Variants in CREB5 observed in about 807,000 individuals in gnomAD.
CREB5 encodes cyclic AMP-responsive element-binding protein 5.
Under a neutral mutation model 57.1 loss-of-function variants are expected in CREB5, and 19 were observed. The ratio of observed to expected loss-of-function variants is 0.33; its 90% CI spans 0.23 to 0.49. The LOEUF (loss-of-function observed/expected upper bound fraction) is 0.49. CREB5 is among the 20% of genes least tolerant of loss of function. The pLI, the probability that CREB5 is intolerant of heterozygous loss-of-function variation, is 0.99. For missense variants in CREB5, 579 were observed against 671.6 expected (o/e 0.86, Z 1.52); for synonymous variants, 238 against 238.3 (o/e 1.00, Z 0.01).
At chr7:28,460,747 G>A (rs1275299199) in intron 1 of CREB5, among the ~76,000 whole-genome samples, 5 of 152,056 alleles carry the variant, frequency 3.3e-5, no homozygotes, top group South Asian at 2.1e-4. Flanking sequence ...TGTTTTGCAC[G>A]GTAAATGCTT....
At chr7:28,560,887 CGTGTGTGTGCGTGCGCGCGTGCGT>C (rs1271065442) in intron 4 of CREB5, among the ~76,000 whole-genome samples, 1 of 13,114 alleles carries the variant, frequency 7.6e-5, no homozygotes, top group African/African-American at 3.5e-4. Context: ...TGCGTGCGTG[CGTGTGTGTGCGTGCGCGCGTGCGT>C]GTGCGTGTGT....
chr7:28,379,794 G>A (rs1372641248), intron 1 of CREB5, among the ~76,000 whole-genome samples: 1 of 152,228 alleles, frequency 6.6e-6, no homozygotes, highest in African/African-American at 2.4e-5. Context: ...CAGACCAGCA[G>A]CTTCAGCACC....
intron 5 of CREB5, among the ~76,000 whole-genome samples, chr7:28,594,121 A>G (rs1214776947): frequency 1.3e-5 from 2 of 152,208 alleles, no homozygotes; most frequent in Non-Finnish European, 2.9e-5. Context: ...TGGAGGAGAA[A>G]TCTGCCTCCT....
chr7:28,784,494 A>AT (rs66535657), intron 7 of CREB5, among the ~76,000 whole-genome samples: 64 of 151,316 alleles, frequency 4.2e-4, no homozygotes, highest in Admixed American at 1.5e-3. Flanking sequence ...TAGCTATAGG[A>AT]TTTTTTTTTC....
At chr7:28,475,668 A>G (rs1185652473) in intron 1 of CREB5, among the ~76,000 whole-genome samples, 6 of 152,086 alleles carry the variant, frequency 3.9e-5, no homozygotes, top group African/African-American at 1.4e-4. Context: ...AACCTAAAGC[A>G]CCTACTGATA....
intron 5 of CREB5, among the ~76,000 whole-genome samples, chr7:28,603,858 G>C (rs1797016308): frequency 6.6e-6 from 1 of 152,312 alleles, no homozygotes; most frequent in African/African-American, 2.4e-5. Flanking sequence ...TATTCACAGA[G>C]GTGTAACCAT....
At chr7:28,695,727 T>A (rs1801521673) in intron 5 of CREB5, among the ~76,000 whole-genome samples, 1 of 152,146 alleles carries the variant, frequency 6.6e-6, no homozygotes, top group South Asian at 2.1e-4. Context: ...GCATGTCTGA[T>A]GAGGACAGAG....
chr7:28,390,266 C>T (rs1787190438), intron 1 of CREB5, among the ~76,000 whole-genome samples: 1 of 152,162 alleles, frequency 6.6e-6, no homozygotes, highest in African/African-American at 2.4e-5. Flanking sequence ...AATTGCTCTG[C>T]TGTGTGAAAG....
At chr7:28,666,102 C>A (rs771121057) in intron 5 of CREB5, among the ~76,000 whole-genome samples, 1 of 151,918 alleles carries the variant, frequency 6.6e-6, no homozygotes, top group Non-Finnish European at 1.5e-5. Context: ...TTATAAGGAG[C>A]GATTGCCAAA....
intron 7 of CREB5, among the ~76,000 whole-genome samples, chr7:28,725,540 T>A (rs1026652418): frequency 1.3e-5 from 2 of 152,122 alleles, no homozygotes; most frequent in Non-Finnish European, 2.9e-5. Flanking sequence ...GGGCAAATAT[T>A]TTTTCAACTT....
chr7:28,417,799 C>A (rs1788086129), intron 1 of CREB5, among the ~76,000 whole-genome samples: 1 of 151,908 alleles, frequency 6.6e-6, no homozygotes, highest in East Asian at 1.9e-4. Context: ...CATGCTGCAC[C>A]CTGCAACACA....
chr7:28,517,508 A>C (rs1470432024), intron 4 of CREB5, among the ~76,000 whole-genome samples: 1 of 152,142 alleles, frequency 6.6e-6, no homozygotes, highest in Non-Finnish European at 1.5e-5. Context: ...CTTGTTCTTC[A>C]CCCAAGTCCC....
chr7:28,622,516 A>C (rs1797845254), intron 5 of CREB5, among the ~76,000 whole-genome samples: 1 of 152,234 alleles, frequency 6.6e-6, no homozygotes, highest in Non-Finnish European at 1.5e-5. Context: ...AGGGCTGAGA[A>C]GAACAGAATA....
chr7:28,525,073 A>C (rs993604642), intron 4 of CREB5, among the ~76,000 whole-genome samples: 1 of 151,348 alleles, frequency 6.6e-6, no homozygotes, highest in African/African-American at 2.4e-5. Flanking sequence ...GAGTGAGAAC[A>C]CATGATATTT....
At chr7:28,687,540 G>T (rs1012023428) in intron 5 of CREB5, among the ~76,000 whole-genome samples, 1 of 148,118 alleles carries the variant, frequency 6.8e-6, no homozygotes, top group African/African-American at 2.5e-5. Flanking sequence ...ACACCATCCG[G>T]CATTACTAGA....
intron 7 of CREB5, among the ~76,000 whole-genome samples, chr7:28,766,822 A>G (rs1052107611): frequency 4.6e-5 from 7 of 152,188 alleles, no homozygotes; most frequent in African/African-American, 1.7e-4. Context: ...ACCCACTAGT[A>G]TCCACGGGAA....
chr7:28,545,859 C>T (rs947085602), intron 4 of CREB5, among the ~76,000 whole-genome samples: 2 of 152,070 alleles, frequency 1.3e-5, no homozygotes, highest in Non-Finnish European at 2.9e-5. Flanking sequence ...GTTTCTTGTG[C>T]TATTACTTTT....
chr7:28,579,153 A>G (rs1431378112), intron 5 of CREB5, among the ~76,000 whole-genome samples: 1 of 152,200 alleles, frequency 6.6e-6, no homozygotes, highest in Non-Finnish European at 1.5e-5. Context: ...GAATGAAACT[A>G]GGTTGTCTAA....
chr7:28,579,818 T>C (rs890698679), intron 5 of CREB5, among the ~76,000 whole-genome samples: 2 of 152,204 alleles, frequency 1.3e-5, no homozygotes, highest in Non-Finnish European at 2.9e-5. Context: ...CCCGAATCAC[T>C]GAGCCATTGA....
Sources: gnomAD v4.1 joint callset for allele counts (sites outside exome capture counted in the v4.1 genomes callset) on GRCh38, gnomAD v4.1.1 for gene constraint, MANE v1.5 for transcripts, NCBI Gene and HGNC (gene_info 2026-07-23, HGNC 2026-07-21) for gene names.